The following SOX5 variants were observed in gnomAD, a reference collection of about 807,000 sequenced individuals.
The protein encoded by SOX5 is SRY-box transcription factor 5.
In SOX5, 9 loss-of-function variants were observed where a neutral mutation model predicts 92.0. The observed-to-expected ratio is 0.10, with a 90% confidence interval of 0.06 to 0.17. The LOEUF is 0.17. SOX5 is among the 10% of genes least tolerant of loss of function. The probability of loss-of-function intolerance (pLI) is 1.00; values close to 1 mark genes in which losing one functional copy is unlikely to be tolerated. For missense variants in SOX5, 642 were observed against 944.5 expected, an observed-to-expected ratio of 0.68 and a Z score of 4.20; for synonymous variants, 344 against 336.3, an observed-to-expected ratio of 1.02 and a Z score of -0.25.
intron 2 of SOX5, among the ~76,000 whole-genome samples, chr12:24,339,927 C>G (rs751531308): frequency 6.6e-6 from 1 of 152,238 alleles, no homozygotes; most frequent in Non-Finnish European, 1.5e-5. Context: ...ATTATCCCCC[C>G]TGGCTGTAGC....
chr12:24,039,097 G>A (rs1014595531), intron 4 of SOX5, among the ~76,000 whole-genome samples: 1 of 151,938 alleles, frequency 6.6e-6, no homozygotes, highest in African/African-American at 2.4e-5. Flanking sequence ...CCATATCCCT[G>A]GCAGGATAAA....
chr12:23,932,474 T>C (rs1941660267), intron 1 of SOX5, among the ~76,000 whole-genome samples: 1 of 151,666 alleles, frequency 6.6e-6, no homozygotes, highest in Admixed American at 6.6e-5. Context: ...GTATTAATGT[T>C]AACTTTCTTG....
intron 3 of SOX5, among the ~76,000 whole-genome samples, chr12:24,231,261 C>T (rs1267942334): frequency 6.6e-6 from 1 of 152,052 alleles, no homozygotes; most frequent in African/African-American, 2.4e-5. Context: ...ACAAGGCTCT[C>T]TTTCCTGTTT....
chr12:23,577,146 TATATAC>T (rs932868037), intron 9 of SOX5, among the ~76,000 whole-genome samples: 2 of 113,234 alleles, frequency 1.8e-5, no homozygotes, highest in Non-Finnish European at 3.7e-5. Context: ...TTTATATATA[TATATAC>T]ACACACACAC....
intron 2 of SOX5, among the ~76,000 whole-genome samples, chr12:23,886,432 G>A (rs977930471): frequency 6.6e-6 from 1 of 152,096 alleles, no homozygotes; most frequent in Non-Finnish European, 1.5e-5. Flanking sequence ...TATGGTGTAA[G>A]CATTATGTGA....
At chr12:23,650,103 C>T (rs2081366471) in intron 7 of SOX5, among the ~76,000 whole-genome samples, 2 of 152,084 alleles carry the variant, frequency 1.3e-5, no homozygotes, top group Non-Finnish European at 2.9e-5. Flanking sequence ...CTCTGACATA[C>T]ACACATACAA....
chr12:24,272,489 G>T (rs1005075008), intron 3 of SOX5, among the ~76,000 whole-genome samples: 3 of 151,928 alleles, frequency 2.0e-5, no homozygotes, highest in Non-Finnish European at 4.4e-5. Context: ...TTACTATTAC[G>T]ATTTATCTTT....
At chr12:24,372,318 C>T (rs1956820557) in intron 1 of SOX5, among the ~76,000 whole-genome samples, 1 of 152,128 alleles carries the variant, frequency 6.6e-6, no homozygotes, top group African/African-American at 2.4e-5. Flanking sequence ...GTGTGTGATG[C>T]CGCCTACTCC....
chr12:23,835,601 T>A (rs2096401290), intron 3 of SOX5, among the ~76,000 whole-genome samples: 1 of 151,864 alleles, frequency 6.6e-6, no homozygotes, highest in African/African-American at 2.4e-5. Context: ...GGAAAATTGA[T>A]CTCTATTGAG....
chr12:23,673,636 T>C lies in SOX5; in HGVS notation c.811-8072A>G, dbSNP rs574616358. ...TAATTTGTGATGCTTTGCCCAATGG[T>C]TTCTATTAGATTATCAGTTATTTTT... is the stretch of plus-strand genomic sequence containing the variant. On this transcript the variant is annotated intron_variant, in intron 6 of 14. Coordinates refer to ENST00000451604, the MANE Select transcript of SOX5 (RefSeq NM_006940.6). 1.3e-3 allele frequency among the ~76,000 whole-genome samples: 192 copies of C among 152,168 alleles called. 2 individuals are homozygous for C. Among genetic ancestry groups the C allele is most frequent in the African/African-American group, 4.5e-3 (188 of 41,556 alleles).
At chr12:23,783,152 T>A (rs1407069378) in intron 3 of SOX5, among the ~76,000 whole-genome samples, 2 of 152,188 alleles carry the variant, frequency 1.3e-5, no homozygotes. Flanking sequence ...CTTATTTTCT[T>A]ATAATCTGTC....
intron 1 of SOX5, among the ~76,000 whole-genome samples, chr12:24,501,407 A>G (rs1948188940): frequency 6.6e-6 from 1 of 151,978 alleles, no homozygotes; most frequent in Admixed American, 6.6e-5. Context: ...TACAAGCTCT[A>G]TCTTCCCATA....
At chr12:24,169,700 G>A (rs1309581342) in intron 4 of SOX5, among the ~76,000 whole-genome samples, 5 of 152,200 alleles carry the variant, frequency 3.3e-5, no homozygotes, top group African/African-American at 9.7e-5. Context: ...GAATTAAAAG[G>A]ACCTAGATTA....
At chr12:23,710,054 A>T (rs985643059) in intron 6 of SOX5, among the ~76,000 whole-genome samples, 1 of 152,178 alleles carries the variant, frequency 6.6e-6, no homozygotes, top group Non-Finnish European at 1.5e-5. Flanking sequence ...TCCAACGGAA[A>T]AAGTCACATA....
intron 3 of SOX5, among the ~76,000 whole-genome samples, chr12:24,232,784 T>C (rs1963664193): frequency 6.6e-6 from 1 of 152,200 alleles, no homozygotes; most frequent in Non-Finnish European, 1.5e-5. Flanking sequence ...CTATGTAGTG[T>C]TCACATTTTT....
chr12:23,640,938 AC>A, intron 7 of SOX5, 41 bp from the exon 8 acceptor site: 1 of 1,304,718 alleles, frequency 7.7e-7, no homozygotes, highest in South Asian at 1.3e-5. Context: ...CCTTTTATCT[AC>A]TCTCCACCTG....
chr12:24,179,793 T>C (rs1051269828), intron 4 of SOX5, among the ~76,000 whole-genome samples: 5 of 152,064 alleles, frequency 3.3e-5, no homozygotes, highest in African/African-American at 1.2e-4. Flanking sequence ...ATTCCTGACA[T>C]TTTCCACTTA....
intron 1 of SOX5, among the ~76,000 whole-genome samples, chr12:24,555,611 G>A (rs892910919): frequency 2.6e-5 from 4 of 152,034 alleles, no homozygotes; most frequent in Admixed American, 6.5e-5. Context: ...AGATGATCTC[G>A]TATAACCTAA....
At chr12:24,135,082 T>G (rs557811759) in intron 4 of SOX5, among the ~76,000 whole-genome samples, 1 of 152,284 alleles carries the variant, frequency 6.6e-6, no homozygotes, top group South Asian at 2.1e-4. Flanking sequence ...CCCAAGGCCA[T>G]GCAGGAATTA....
Sources: allele counts gnomAD v4.1 joint callset (sites outside exome capture counted in the v4.1 genomes callset), GRCh38; gene constraint gnomAD v4.1.1; transcripts MANE v1.5; gene names NCBI Gene and HGNC (gene_info 2026-07-23, HGNC 2026-07-21).